Variants in ZNF704 observed in about 807,000 individuals in gnomAD.
ZNF704 encodes the protein zinc finger protein 704.
In ZNF704, 10 loss-of-function variants were observed where a neutral mutation model predicts 44.7. The observed-to-expected ratio is 0.22, with a 90% CI of 0.14 to 0.38. The LOEUF (loss-of-function observed/expected upper bound fraction) is 0.38. Among genes scored for constraint, ZNF704 ranks in the 10% least tolerant of loss-of-function variants. The probability of loss-of-function intolerance (pLI) is 1.00; values close to 1 mark genes in which losing one functional copy is unlikely to be tolerated. For missense variants in ZNF704, 390 were observed against 545.5 expected (o/e 0.71, Z 2.84); for synonymous variants, 211 against 207.6 (o/e 1.02, Z -0.14).
chr8:80,651,547 A>G (rs1817919890), intron 7 of ZNF704, among the ~76,000 whole-genome samples: 1 of 152,224 alleles, frequency 6.6e-6, no homozygotes, highest in Non-Finnish European at 1.5e-5. Flanking sequence ...CTTTAAACCA[A>G]CAAAGATCAA....
intron 3 of ZNF704, 76 bp downstream of exon 3, chr8:80,692,928 G>T: frequency 1.5e-6 from 2 of 1,313,854 alleles, no homozygotes; most frequent in Non-Finnish European, 2.2e-6. Flanking sequence ...CGCTTGACAG[G>T]AATGAGACAT....
At chr8:80,772,182 T>G (rs1321282108) in intron 2 of ZNF704, among the ~76,000 whole-genome samples, 1 of 152,220 alleles carries the variant, frequency 6.6e-6, no homozygotes, top group Non-Finnish European at 1.5e-5. Context: ...TTCTTATTTT[T>G]TTTGTACTGT....
intron 2 of ZNF704, among the ~76,000 whole-genome samples, chr8:80,762,459 T>C (rs1807148795): frequency 1.3e-5 from 2 of 152,146 alleles, no homozygotes; most frequent in South Asian, 4.1e-4. Context: ...GCAGAGGAAA[T>C]GCCAGATGCT....
At chr8:80,718,964 A>AT (rs11293329) in intron 2 of ZNF704, among the ~76,000 whole-genome samples, 5 of 150,894 alleles carry the variant, frequency 3.3e-5, no homozygotes, top group South Asian at 2.1e-4. Flanking sequence ...AGCACTCTAC[A>AT]TTTTTTTTCT....
intron 7 of ZNF704, among the ~76,000 whole-genome samples, chr8:80,659,050 T>C (rs1018461556): frequency 1.3e-5 from 2 of 152,226 alleles, no homozygotes; most frequent in African/African-American, 4.8e-5. Flanking sequence ...TCATTTAATA[T>C]GTCAAATCAA....
intron 1 of ZNF704, among the ~76,000 whole-genome samples, chr8:80,838,781 C>T (rs1174226260): frequency 7.0e-6 from 1 of 143,858 alleles, no homozygotes; most frequent in Non-Finnish European, 1.5e-5. Flanking sequence ...GCAATGGAGG[C>T]AGCGGCAGGG....
At chr8:80,719,520 C>T (rs1308879093) in intron 2 of ZNF704, among the ~76,000 whole-genome samples, 1 of 152,040 alleles carries the variant, frequency 6.6e-6, no homozygotes, top group Non-Finnish European at 1.5e-5. Context: ...TCAAAATGTG[C>T]ACCGGTCAAT....
intron 4 of ZNF704, among the ~76,000 whole-genome samples, chr8:80,683,905 A>C (rs890634807): frequency 6.6e-6 from 1 of 151,826 alleles, no homozygotes; most frequent in Admixed American, 6.6e-5. Flanking sequence ...AGGTGGGAGA[A>C]GAGATAAGGA....
intron 1 of ZNF704, among the ~76,000 whole-genome samples, chr8:80,855,177 C>T (rs1808938125): frequency 6.6e-6 from 1 of 152,168 alleles, no homozygotes; most frequent in Non-Finnish European, 1.5e-5. Context: ...GTAAGCACTA[C>T]ATGGATACAA....
intron 1 of ZNF704, among the ~76,000 whole-genome samples, chr8:80,848,547 A>C (rs557825734): frequency 5.3e-4 from 80 of 152,274 alleles, no homozygotes; most frequent in African/African-American, 1.9e-3. Flanking sequence ...ATTATCTTTT[A>C]AAGTTTTAAA....
Position 80,670,674 on chromosome 8 carries a change from C to T in ZNF704, c.559-71G>A, listed in dbSNP as rs1473859461. Reference sequence around the variant, plus strand: ...CAACATTTTCTTTATGTCATCCCAACATATTTTTTTCCTTCATTAGAAAAG... The same window carrying T: ...CAACATTTTCTTTATGTCATCCCAATATATTTTTTTCCTTCATTAGAAAAG... On this transcript the variant is annotated intron_variant, in intron 4 of 8. Coordinates refer to ENST00000327835, the MANE Select transcript of ZNF704 (RefSeq NM_001033723.3). The T allele has an allele frequency of 6.1e-6, 7 of 1,144,068 alleles. No homozygotes were observed. In the Admixed American group the frequency reaches 1.3e-4, roughly 21 times the overall value. The allele number at this position is 1,144,068 out of a possible 1,614,324, so 70.9% of individuals were successfully genotyped here. A position where few individuals can be genotyped will look rare whatever the true frequency, so the allele number is the denominator to read the frequency against.
At position 80,772,674 on chromosome 8, in the gene ZNF704, C is replaced by T. The variant is rs140261995; in HGVS notation, c.221+48700G>A. On this transcript the variant is annotated intron_variant, in intron 2 of 8. Transcript: ENST00000327835. Reference sequence around the variant, plus strand: ...ACATTGGGGAATACAATTCAGCATGCGATTTGGGTGGGGACACAGAGCCAA... The same window carrying T: ...ACATTGGGGAATACAATTCAGCATGTGATTTGGGTGGGGACACAGAGCCAA... Among the ~76,000 whole-genome samples the T allele has an allele frequency of 6.6e-4, 100 of 152,212 alleles. 1 individual carries two copies. The East Asian group carries it at 9.1e-3, about 14-fold the overall frequency.
intron 2 of ZNF704, among the ~76,000 whole-genome samples, chr8:80,786,528 C>T (rs1026045933): frequency 1.3e-5 from 2 of 152,124 alleles, no homozygotes; most frequent in African/African-American, 4.8e-5. Flanking sequence ...TGAGTGACTG[C>T]CATGTAGAAG....
intron 7 of ZNF704, among the ~76,000 whole-genome samples, chr8:80,652,520 T>C (rs1230552845): frequency 6.6e-6 from 1 of 151,890 alleles, no homozygotes; most frequent in Non-Finnish European, 1.5e-5. Flanking sequence ...CAAACTACCA[T>C]CAGAGAATAC....
At chr8:80,651,327 A>C (rs1456191740) in intron 7 of ZNF704, among the ~76,000 whole-genome samples, 1 of 152,234 alleles carries the variant, frequency 6.6e-6, no homozygotes, top group South Asian at 2.1e-4. Context: ...TATTAACCTC[A>C]AATGTAAATG....
At chr8:80,833,391 G>A (rs1169489651) in intron 1 of ZNF704, among the ~76,000 whole-genome samples, 1 of 152,144 alleles carries the variant, frequency 6.6e-6, no homozygotes, top group Non-Finnish European at 1.5e-5. Context: ...CATGTTCAAA[G>A]AAAGACCAGA....
At chr8:80,651,526 G>A (rs938938550) in intron 7 of ZNF704, among the ~76,000 whole-genome samples, 1 of 152,172 alleles carries the variant, frequency 6.6e-6, no homozygotes, top group African/African-American at 2.4e-5. Flanking sequence ...CCTGGTCTCT[G>A]ATAAAACAGA....
chr8:80,791,011 A>G (rs1807696899), intron 2 of ZNF704, among the ~76,000 whole-genome samples: 1 of 152,104 alleles, frequency 6.6e-6, no homozygotes, highest in South Asian at 2.1e-4. Flanking sequence ...TTAAAATGCA[A>G]TATTAACTTG....
intron 2 of ZNF704, among the ~76,000 whole-genome samples, chr8:80,771,547 G>A (rs1043331109): frequency 2.6e-5 from 4 of 151,844 alleles, no homozygotes; most frequent in Non-Finnish European, 5.9e-5. Flanking sequence ...TGTTTATTTT[G>A]TATCCTTTGA....
Sources: allele counts gnomAD v4.1 joint callset (sites outside exome capture counted in the v4.1 genomes callset), GRCh38; gene constraint gnomAD v4.1.1; transcripts MANE v1.5; gene names NCBI Gene and HGNC (gene_info 2026-07-23, HGNC 2026-07-21).